The following CLCC1 variants were observed in gnomAD, a reference collection of about 807,000 sequenced individuals.
The protein encoded by CLCC1 is chloride channel CLIC like 1.
A neutral mutation model predicts 63.3 loss-of-function variants in CLCC1; 39 were observed. The observed-to-expected ratio is 0.62, with a 90% CI of 0.48 to 0.81. The LOEUF is 0.81. Ranked by LOEUF, CLCC1 falls within the 30% of genes least tolerant of loss-of-function variation. The probability of loss-of-function intolerance (pLI) is 0.00; values close to 1 mark genes in which losing one functional copy is unlikely to be tolerated. For synonymous variants in CLCC1, 217 were observed against 239.8 expected (o/e 0.90, Z 0.88); for missense variants, 549 against 669.4 (o/e 0.82, Z 1.98).
In CLCC1 at chr1:108,940,095, AT is replaced by A. The variant is rs775013241; in HGVS notation, c.843del (p.Lys281AsnfsTer7). 6.2e-7 allele frequency: 1 copy of A among 1,613,834 alleles called. No individual in the cohort carries two copies. On this transcript the variant is annotated frameshift_variant, in exon 9 of 13. Transcript: ENST00000369969. LOFTEE classifies it high-confidence loss of function. ...GGGTTGACTAGTAAGAGCTCATAGT[AT>A]TTTTGGCATGGGTCATCCTTATAGG... Reference protein sequence around the residue: ...SWTYKDDPCQKYYELLLVNPI... With the variant: ...SWTYKDDPCQXYYELLLVNPI...
In CLCC1 at chr1:108,930,206, T is replaced by C. The variant is rs1282232810; in HGVS notation, c.*2341A>G. On this transcript the variant is annotated 3_prime_UTR_variant, in exon 13 of 13. Transcript: ENST00000369969. The stretch of plus-strand genomic sequence containing the variant: ...TGGCAGCTTGTGAGATTACTTTACC[T>C]AGTGTTTATAAAGTAGGAAGTTAAG... 5.2e-6 allele frequency: 2 copies of C among 381,448 alleles called. No individual in the cohort carries two copies. The highest frequency in any genetic ancestry group is 4.4e-5 in the East Asian group (1 of 22,866). The allele number at this position is 381,448 out of a possible 1,614,324, so 23.6% of individuals were successfully genotyped here.
intron 2 of CLCC1, among the ~76,000 whole-genome samples, chr1:108,950,936 T>C (rs1211734125): frequency 6.6e-6 from 1 of 152,202 alleles, no homozygotes; most frequent in African/African-American, 2.4e-5. Context: ...AAAAAATGCA[T>C]ATATGCATAA....
intron 4 of CLCC1, 139 bp downstream of exon 4, chr1:108,949,681 G>A (rs971141159): frequency 2.8e-5 from 14 of 503,854 alleles, no homozygotes; most frequent in Non-Finnish European, 4.5e-5. Context: ...CAAGGTTAGA[G>A]TATCCAAAGA....
chr1:108,939,369 C>T (rs11587335), intron 10 of CLCC1, among the ~76,000 whole-genome samples: 8,920 of 146,588 alleles, frequency 0.061, 312 homozygotes, highest in Non-Finnish European at 0.064. Context: ...TACAGTGGTG[C>T]GATCTCGGCT....
intron 2 of CLCC1, among the ~76,000 whole-genome samples, chr1:108,955,207 C>T (rs1171240446): frequency 3.3e-5 from 5 of 151,160 alleles, no homozygotes; most frequent in Non-Finnish European, 7.4e-5. Flanking sequence ...AGGAAGGTTA[C>T]ATTCTAGGGG....
intron 2 of CLCC1, among the ~76,000 whole-genome samples, chr1:108,957,092 A>G (rs1415793194): frequency 2.0e-5 from 3 of 151,488 alleles, no homozygotes; most frequent in Non-Finnish European, 4.4e-5. Flanking sequence ...GTAGTCATCC[A>G]CTTCAGAGAT....
At chr1:108,936,085 G>T (rs1015660673) in intron 11 of CLCC1, among the ~76,000 whole-genome samples, 33 of 88,120 alleles carry the variant, frequency 3.7e-4, no homozygotes, top group Admixed American at 9.0e-4. Flanking sequence ...ATCTTAAGTT[G>T]TTTTTTTTTT....
At chr1:108,942,171 G>T (rs1432468316) in intron 7 of CLCC1, among the ~76,000 whole-genome samples, 2 of 152,156 alleles carry the variant, frequency 1.3e-5, no homozygotes, top group Non-Finnish European at 2.9e-5. Context: ...CCGGGAGGTG[G>T]AGGTTGCATT....
intron 4 of CLCC1, among the ~76,000 whole-genome samples, chr1:108,949,539 A>G (rs1654936596): frequency 6.6e-6 from 1 of 152,240 alleles, no homozygotes; most frequent in African/African-American, 2.4e-5. Context: ...TAAGATCAAT[A>G]AAACGTATTC....
chr1:108,943,705 A>G, intron 6 of CLCC1, 90 bp from the exon 7 acceptor site: 1 of 1,540,878 alleles, frequency 6.5e-7, no homozygotes, highest in Non-Finnish European at 8.9e-7. Flanking sequence ...TCATTTCTAC[A>G]ATTTTGTGGC....
In CLCC1 at chr1:108,931,077, T is replaced by G. The variant is rs1453994629; in HGVS notation, c.*1470A>C. 2 of 292,516 alleles carry G rather than the reference T, an allele frequency of 6.8e-6. No homozygotes were observed. The highest frequency in any genetic ancestry group is 1.3e-5 in the Non-Finnish European group (2 of 155,536). 18.1% of individuals were successfully genotyped at this position (292,516 alleles called of 1,614,324 possible). On this transcript the variant is annotated 3_prime_UTR_variant, in exon 13 of 13. Coordinates refer to ENST00000369969, the MANE Select transcript of CLCC1 (RefSeq NM_001377458.1). Reference sequence around the variant, plus strand: ...TAGAAAACAAGTATCTTTTGTGTGTTTTGGGCTGTTTAAAAAAATTATTTA... The same window carrying G: ...TAGAAAACAAGTATCTTTTGTGTGTGTTGGGCTGTTTAAAAAAATTATTTA...
At chr1:108,940,171 T>C (rs771687861) in intron 8 of CLCC1, 29 bp from the exon 9 acceptor site, 2 of 1,439,790 alleles carry the variant, frequency 1.4e-6, no homozygotes, top group Non-Finnish European at 9.7e-7. Context: ...AAAACACTGA[T>C]CATTTCTTTT....
intron 2 of CLCC1, among the ~76,000 whole-genome samples, chr1:108,958,409 C>T (rs2101723012): frequency 6.6e-6 from 1 of 151,654 alleles, no homozygotes; most frequent in Non-Finnish European, 1.5e-5. Context: ...TGTCACACTC[C>T]AGTCACTTAG....
intron 2 of CLCC1, among the ~76,000 whole-genome samples, chr1:108,959,212 G>A (rs1458639700): frequency 6.6e-6 from 1 of 152,042 alleles, no homozygotes; most frequent in African/African-American, 2.4e-5. Flanking sequence ...AAATTAGCCA[G>A]GTATGGTGGC....
At chr1:108,960,940 C>T (rs1384616855) in intron 2 of CLCC1, among the ~76,000 whole-genome samples, 2 of 152,202 alleles carry the variant, frequency 1.3e-5, no homozygotes, top group South Asian at 2.1e-4. Flanking sequence ...CCCCTGCCCG[C>T]CGCCTTGTCT....
At chr1:108,961,282 G>GT (rs1469660742) in intron 2 of CLCC1, among the ~76,000 whole-genome samples, 5 of 31,330 alleles carry the variant, frequency 1.6e-4, no homozygotes, top group Non-Finnish European at 2.9e-4. Flanking sequence ...TGAAGAGTTT[G>GT]TTAAAAAAAA....
chr1:108,947,757 A>G (rs765257436), intron 4 of CLCC1, 39 bp from the exon 5 acceptor site: 2 of 1,357,524 alleles, frequency 1.5e-6, no homozygotes, highest in Non-Finnish European at 2.1e-6. Context: ...GTTAGAGTCA[A>G]AGTATAATAT....
chr1:108,944,935 T>C (rs1343435203), intron 5 of CLCC1, among the ~76,000 whole-genome samples: 1 of 152,138 alleles, frequency 6.6e-6, no homozygotes, highest in Non-Finnish European at 1.5e-5. Context: ...GGCCTCACAG[T>C]AGTTATCTTC....
intron 11 of CLCC1, among the ~76,000 whole-genome samples, chr1:108,936,173 A>G (rs541152904): frequency 1.7e-4 from 25 of 144,412 alleles, no homozygotes; most frequent in Non-Finnish European, 3.6e-4. Flanking sequence ...GCTCACTGCA[A>G]CCTCCGCCCC....
Sources: gnomAD v4.1 joint callset for allele counts (sites outside exome capture counted in the v4.1 genomes callset) on GRCh38, gnomAD v4.1.1 for gene constraint, MANE v1.5 for transcripts, NCBI Gene and HGNC (gene_info 2026-07-23, HGNC 2026-07-21) for gene names.